Variants in NFIA observed in about 807,000 individuals in gnomAD.
NFIA encodes the protein nuclear factor 1 A-type.
Under a neutral mutation model 62.8 loss-of-function variants are expected in NFIA, and 8 were observed. That is an observed-to-expected ratio of 0.13 (90% CI 0.07 to 0.23). The LOEUF is 0.23. Ranked by LOEUF, NFIA falls within the 10% of genes least tolerant of loss-of-function variation. The pLI is 1.00. For synonymous variants in NFIA, 235 were observed against 238.1 expected (o/e 0.99, Z 0.12); for missense variants, 410 against 642.1 (o/e 0.64, Z 3.91).
intron 2 of NFIA, among the ~76,000 whole-genome samples, chr1:61,189,093 T>C (rs931002330): frequency 6.6e-6 from 1 of 152,156 alleles, no homozygotes; most frequent in African/African-American, 2.4e-5. Flanking sequence ...AGTCCTGGTA[T>C]CAGGAGGTAT....
At chr1:61,334,501 C>A (rs927113597) in intron 4 of NFIA, among the ~76,000 whole-genome samples, 37 of 138,746 alleles carry the variant, frequency 2.7e-4, no homozygotes, top group African/African-American at 9.4e-4. Flanking sequence ...TTAATAATAA[C>A]CGTAATATGG....
At chr1:61,354,362 CAGA>C (rs775634415) in intron 5 of NFIA, among the ~76,000 whole-genome samples, 4 of 152,022 alleles carry the variant, frequency 2.6e-5, no homozygotes, top group Non-Finnish European at 5.9e-5. Context: ...AAAGTGTGCC[CAGA>C]AGAATATCTC....
At chr1:61,336,368 C>T (rs1661607610) in intron 4 of NFIA, among the ~76,000 whole-genome samples, 2 of 151,720 alleles carry the variant, frequency 1.3e-5, no homozygotes, top group South Asian at 2.1e-4. Context: ...AGACTTTATT[C>T]TTTTTTAGGG....
chr1:61,369,977 G>A (rs886367816), intron 6 of NFIA, among the ~76,000 whole-genome samples: 8 of 152,108 alleles, frequency 5.3e-5, no homozygotes, highest in African/African-American at 1.9e-4. Flanking sequence ...AAGTTCTGTG[G>A]TTTTTGGCCA....
intron 2 of NFIA, among the ~76,000 whole-genome samples, chr1:61,140,888 T>A (rs1647455368): frequency 1.3e-5 from 2 of 151,504 alleles, no homozygotes; most frequent in African/African-American, 4.9e-5. Flanking sequence ...GACCACAAGA[T>A]TAACAGGGGC....
At chr1:61,083,750 G>A (rs899126052) in intron 1 of NFIA, among the ~76,000 whole-genome samples, 7 of 150,936 alleles carry the variant, frequency 4.6e-5, no homozygotes, top group East Asian at 3.9e-4. Flanking sequence ...GGCCGGACAC[G>A]GCTCCCCCCG....
upstream of NFIA, chr1:61,082,474 C>T (rs2100402113): frequency 9.3e-7 from 1 of 1,075,726 alleles, no homozygotes; most frequent in Non-Finnish European, 1.1e-6. Context: ...CCCGGCCGGG[C>T]CGGCGCGGGA....
chr1:61,082,871 G>A, intron 1 of NFIA, 53 bp downstream of exon 1: 1 of 1,530,050 alleles, frequency 6.5e-7, no homozygotes, highest in South Asian at 1.2e-5. Context: ...CCGGGGGCAG[G>A]GCTGGGGCTG....
chr1:61,288,527 A>G (rs1425598777), intron 3 of NFIA, among the ~76,000 whole-genome samples: 1 of 152,234 alleles, frequency 6.6e-6, no homozygotes. Context: ...AAAGCCAGAT[A>G]ATAACAAAAA....
Position 61,113,245 on chromosome 1 carries a change from C to T in NFIA, c.559+24565C>T, listed in dbSNP as rs148552787. ...TGTCATCCTAGATATACAGTGTAGA[C>T]GTGCTTTATGAAACATACTTCTTCT... On this transcript the variant is annotated intron_variant, in intron 2 of 10. Coordinates refer to ENST00000403491, the MANE Select transcript of NFIA (RefSeq NM_001134673.4). Among the ~76,000 whole-genome samples, 15 of 151,566 alleles carry T rather than the reference C, an allele frequency of 9.9e-5. No individual in the cohort carries two copies. The East Asian group carries it at 1.4e-3, about 14-fold the overall frequency.
chr1:61,340,717 C>T (rs972724944), intron 4 of NFIA, among the ~76,000 whole-genome samples: 1 of 151,990 alleles, frequency 6.6e-6, no homozygotes, highest in African/African-American at 2.4e-5. Flanking sequence ...TGTGTGTGTG[C>T]GTGTATAAAT....
At chr1:61,177,939 C>T (rs1650503002) in intron 2 of NFIA, among the ~76,000 whole-genome samples, 1 of 152,156 alleles carries the variant, frequency 6.6e-6, no homozygotes, top group Non-Finnish European at 1.5e-5. Context: ...AGACTTTATC[C>T]TTAGACAGTA....
In NFIA at chr1:61,175,883, G is replaced by A. The variant is rs544950626; in HGVS notation, c.559+87203G>A. On this transcript the variant is annotated intron_variant, in intron 2 of 10. Transcript: ENST00000403491. ...CAAACTGTAATAGTCATGCCATCAC[G>A]AAGCTCATAGTCCAGGGGAGAAAGA... 1.1e-4 allele frequency among the ~76,000 whole-genome samples: 16 copies of A among 152,256 alleles called. No homozygotes were observed. In the East Asian group the frequency reaches 2.7e-3, roughly 26 times the overall value.
intron 3 of NFIA, among the ~76,000 whole-genome samples, chr1:61,287,745 CACAA>C (rs1310569028): frequency 2.6e-5 from 4 of 151,722 alleles, no homozygotes; most frequent in East Asian, 1.9e-4. Context: ...AATATACTTA[CACAA>C]ACAAAGTATT....
At chr1:61,447,669 G>A (rs945834626) in intron 10 of NFIA, among the ~76,000 whole-genome samples, 3 of 152,130 alleles carry the variant, frequency 2.0e-5, no homozygotes, top group Admixed American at 6.5e-5. Context: ...AGCAGCTTCC[G>A]TGGCGCAGGC....
intron 3 of NFIA, among the ~76,000 whole-genome samples, chr1:61,313,336 G>C (rs1278442495): frequency 6.6e-6 from 1 of 152,220 alleles, no homozygotes; most frequent in Non-Finnish European, 1.5e-5. Context: ...CTGGGCTTCT[G>C]GGAAGGCCTC....
intron 3 of NFIA, among the ~76,000 whole-genome samples, chr1:61,291,639 T>G (rs940981687): frequency 6.6e-6 from 1 of 152,330 alleles, no homozygotes; most frequent in African/African-American, 2.4e-5. Context: ...TGCTTCATCT[T>G]TCTTGGGAGA....
At chr1:61,129,164 C>T (rs1453927386) in intron 2 of NFIA, among the ~76,000 whole-genome samples, 5 of 151,842 alleles carry the variant, frequency 3.3e-5, no homozygotes, top group East Asian at 1.9e-4. Context: ...CCTCGTGATC[C>T]GTTCGCCTCG....
intron 6 of NFIA, among the ~76,000 whole-genome samples, chr1:61,362,484 C>G (rs1320386528): frequency 6.6e-6 from 1 of 152,180 alleles, no homozygotes; most frequent in African/African-American, 2.4e-5. Context: ...TTTTCCAGGA[C>G]TCCCTGGCCA....
Sources: allele counts gnomAD v4.1 joint callset (sites outside exome capture counted in the v4.1 genomes callset), GRCh38; gene constraint gnomAD v4.1.1; transcripts MANE v1.5; gene names NCBI Gene and HGNC (gene_info 2026-07-23, HGNC 2026-07-21).